CCSER1: variants seen among roughly 807,000 people sequenced by gnomAD.
The protein encoded by CCSER1 is coiled-coil serine rich protein 1.
Under a neutral mutation model 82.0 loss-of-function variants are expected in CCSER1, and 41 were observed. The observed-to-expected ratio is 0.50, with a 90% confidence interval of 0.39 to 0.65. CCSER1 has a LOEUF of 0.65. Among genes scored for constraint, CCSER1 ranks in the 30% least tolerant of loss-of-function variants. The pLI is 0.00. For synonymous variants in CCSER1, 414 were observed against 383.9 expected (o/e 1.08, Z -0.92); for missense variants, 1,119 against 1,064.2 (o/e 1.05, Z -0.72).
Position 90,874,882 on chromosome 4 carries a change from C to T in CCSER1, c.2095-48488C>T, listed in dbSNP as rs145497081. Among the ~76,000 whole-genome samples the T allele has an allele frequency of 7.8e-3, 1,180 of 152,154 alleles. 7 individuals carry two copies. Among genetic ancestry groups the T allele is most frequent in the Non-Finnish European group, 0.013 (866 of 67,992 alleles). On this transcript the variant is annotated intron_variant, in intron 8 of 10. Transcript: ENST00000509176. ...CCAACATGGTGAAACCCCGTCTCCA[C>T]TAAAAATACAAAAATTAGCTGGGCG...
In CCSER1 at chr4:91,439,235, G is replaced by C. The variant is rs541717173; in HGVS notation, c.2218-159337G>C. 1.6e-4 allele frequency among the ~76,000 whole-genome samples: 25 copies of C among 152,294 alleles called. No homozygotes were observed. The East Asian group carries it at 4.4e-3, about 27-fold the overall frequency. Reference sequence around the variant, plus strand: ...AATGTTAAGGGCAGCCAGAGAGAAAGGTCGGGTTACCCCCAAAGGGAAGCC... The same window carrying C: ...AATGTTAAGGGCAGCCAGAGAGAAACGTCGGGTTACCCCCAAAGGGAAGCC... On this transcript the variant is annotated intron_variant, in intron 10 of 10. Transcript: ENST00000509176.
chr4:91,100,010 G>A (rs1037676751), intron 10 of CCSER1, among the ~76,000 whole-genome samples: 3 of 152,078 alleles, frequency 2.0e-5, no homozygotes, highest in Non-Finnish European at 4.4e-5. Flanking sequence ...TCAAGACATG[G>A]CAAAGAAACA....
In CCSER1 at chr4:91,177,581, T is replaced by C. The variant is rs528267382; in HGVS notation, c.2217+91587T>C. On this transcript the variant is annotated intron_variant, in intron 10 of 10. Transcript: ENST00000509176. ...ATGTGTCCAGGAATTTTTCCATTTC[T>C]TTTAGATTTTCTAGTTTATTTACGT... is the stretch of plus-strand genomic sequence containing the variant. Among the ~76,000 whole-genome samples, 5 of 152,314 alleles carry C rather than the reference T, an allele frequency of 3.3e-5. No individual in the cohort carries two copies. In the South Asian group the frequency reaches 1.0e-3, roughly 32 times the overall value.
chr4:91,231,126 T>C (rs1407586619), intron 10 of CCSER1, among the ~76,000 whole-genome samples: 1 of 151,838 alleles, frequency 6.6e-6, no homozygotes, highest in Non-Finnish European at 1.5e-5. Flanking sequence ...AAAACACATA[T>C]TCATAAATAT....
chr4:90,415,107 A>T (rs1053563941), intron 4 of CCSER1, among the ~76,000 whole-genome samples: 1 of 152,066 alleles, frequency 6.6e-6, no homozygotes, highest in Non-Finnish European at 1.5e-5. Context: ...ATGTATGAAG[A>T]AAGAAAATCA....
chr4:90,746,691 G>C (rs1039078500), intron 7 of CCSER1, among the ~76,000 whole-genome samples: 2 of 152,138 alleles, frequency 1.3e-5, no homozygotes, highest in African/African-American at 4.8e-5. Context: ...CTGCATTTCT[G>C]TTAACTGCCT....
chr4:91,079,133 C>G (rs1214700051), intron 9 of CCSER1, among the ~76,000 whole-genome samples: 2 of 152,166 alleles, frequency 1.3e-5, no homozygotes, highest in East Asian at 3.9e-4. Context: ...TTTTCAGATT[C>G]ACCAAAGTTG....
intron 7 of CCSER1, among the ~76,000 whole-genome samples, chr4:90,804,084 T>TTG (rs1388539220): frequency 1.3e-5 from 2 of 152,178 alleles, no homozygotes; most frequent in Non-Finnish European, 1.5e-5. Flanking sequence ...GTAAATTTGT[T>TTG]TAAGTTTTTT....
chr4:90,400,847 T>G (rs997868446), intron 4 of CCSER1, among the ~76,000 whole-genome samples: 10 of 152,180 alleles, frequency 6.6e-5, no homozygotes, highest in Non-Finnish European at 1.2e-4. Context: ...ACTTAATTTT[T>G]TTGTTGCTAA....
intron 10 of CCSER1, among the ~76,000 whole-genome samples, chr4:91,463,137 C>T (rs941874564): frequency 1.3e-5 from 2 of 152,122 alleles, no homozygotes; most frequent in Non-Finnish European, 2.9e-5. Context: ...CCCCACATGG[C>T]CAAGTAACCC....
intron 10 of CCSER1, among the ~76,000 whole-genome samples, chr4:91,555,352 TTTA>T (rs1325983161): frequency 6.6e-6 from 1 of 151,134 alleles, no homozygotes; most frequent in Non-Finnish European, 1.5e-5. Flanking sequence ...TACTGTATAG[TTTA>T]TTTTCTTCCA....
At chr4:90,894,278 T>C (rs992456361) in intron 8 of CCSER1, among the ~76,000 whole-genome samples, 3 of 152,046 alleles carry the variant, frequency 2.0e-5, no homozygotes, top group African/African-American at 4.8e-5. Flanking sequence ...GAAATCTCCA[T>C]GCATTATTTT....
intron 9 of CCSER1, among the ~76,000 whole-genome samples, chr4:90,925,077 C>A (rs146360052): frequency 6.6e-6 from 1 of 151,976 alleles, no homozygotes; most frequent in Admixed American, 6.6e-5. Context: ...GGATATAAAC[C>A]CAATATGTGT....
intron 10 of CCSER1, among the ~76,000 whole-genome samples, chr4:91,231,773 A>G (rs1049934553): frequency 6.6e-6 from 1 of 151,806 alleles, no homozygotes; most frequent in Non-Finnish European, 1.5e-5. Context: ...AATAATATCC[A>G]GGTATCAAAG....
At chr4:90,815,924 C>A in intron 8 of CCSER1, 79 bp downstream of exon 8, 1 of 840,816 alleles carries the variant, frequency 1.2e-6, no homozygotes, top group Non-Finnish European at 1.9e-6. Context: ...TTATTAACAC[C>A]AATGGCATTA....
chr4:90,400,017 G>C lies in CCSER1; in HGVS notation c.1510-19G>C. The C allele has an allele frequency of 6.8e-7, 1 of 1,462,454 alleles. No homozygotes were observed. The highest frequency in any genetic ancestry group is 9.6e-7 in the Non-Finnish European group (1 of 1,046,758). 90.6% of individuals were successfully genotyped at this position (1,462,454 alleles called of 1,614,324 possible). On this transcript the variant is annotated intron_variant, in intron 3 of 10. Coordinates refer to ENST00000509176, the MANE Select transcript of CCSER1 (RefSeq NM_001145065.2). ...CTCAGTGTTTTGGTTTCTAATTGTT[G>C]GTTTTGATTTTTCTTCAGGATGTTT...
chr4:91,185,568 G>A (rs1423963157), intron 10 of CCSER1, among the ~76,000 whole-genome samples: 1 of 152,184 alleles, frequency 6.6e-6, no homozygotes, highest in Non-Finnish European at 1.5e-5. Context: ...TGGGGATGAG[G>A]GAATGGCCTG....
At chr4:90,405,480 C>T (rs146865903) in intron 4 of CCSER1, among the ~76,000 whole-genome samples, 1,543 of 152,164 alleles carry the variant, frequency 0.01, 17 homozygotes, top group South Asian at 0.03. Context: ...TTGTTAGAGA[C>T]CTATACATCT....
chr4:90,991,156 C>CT (rs914683764), intron 9 of CCSER1, among the ~76,000 whole-genome samples: 55 of 147,320 alleles, frequency 3.7e-4, no homozygotes, highest in African/African-American at 5.4e-4. Flanking sequence ...CTTCAGGTCT[C>CT]TTTTTTTTTT....
Sources: allele counts gnomAD v4.1 joint callset (sites outside exome capture counted in the v4.1 genomes callset), GRCh38; gene constraint gnomAD v4.1.1; transcripts MANE v1.5; gene names NCBI Gene and HGNC (gene_info 2026-07-23, HGNC 2026-07-21).